The following GAD1 variants were observed in gnomAD, a reference collection of about 807,000 sequenced individuals.
GAD1 encodes 67 kDa glutamic acid decarboxylase.
A neutral mutation model predicts 75.2 loss-of-function variants in GAD1; 35 were observed. That is an observed-to-expected ratio of 0.47 (90% CI 0.36 to 0.62). GAD1 has a LOEUF of 0.62. Among genes scored for constraint, GAD1 ranks in the 20% least tolerant of loss-of-function variants. The pLI, the probability that GAD1 is intolerant of heterozygous loss-of-function variation, is 0.00. For missense variants in GAD1, 490 were observed against 758.5 expected, an observed-to-expected ratio of 0.65 and a Z score of 4.16; for synonymous variants, 257 against 271.9, an observed-to-expected ratio of 0.95 and a Z score of 0.54.
At chr2:170,828,698 C>G (rs1406446987) in intron 3 of GAD1, among the ~76,000 whole-genome samples, 3 of 142,640 alleles carry the variant, frequency 2.1e-5, no homozygotes, top group African/African-American at 7.8e-5. Flanking sequence ...CCCTCCTCCT[C>G]TGTTGTCCAC....
intron 3 of GAD1, chr2:170,829,039 G>A: frequency 3.3e-6 from 1 of 299,278 alleles, no homozygotes; most frequent in South Asian, 3.1e-5. Context: ...TCCCTCAGCT[G>A]TCCTCACCTC....
At chr2:170,831,415 T>C (rs1305417258) in intron 5 of GAD1, among the ~76,000 whole-genome samples, 2 of 151,828 alleles carry the variant, frequency 1.3e-5, no homozygotes, top group African/African-American at 2.4e-5. Context: ...TAAAAGTAGA[T>C]AAAAAAGATA....
At chr2:170,843,194 C>T (rs190833458) in intron 6 of GAD1, among the ~76,000 whole-genome samples, 2 of 152,298 alleles carry the variant, frequency 1.3e-5, no homozygotes, top group African/African-American at 2.4e-5. Context: ...TTTGGTCTCA[C>T]GATCTTGTTT....
intron 6 of GAD1, among the ~76,000 whole-genome samples, chr2:170,839,716 C>G (rs1289322747): frequency 6.6e-6 from 1 of 151,880 alleles, no homozygotes; most frequent in Non-Finnish European, 1.5e-5. Context: ...AAGATCCAAA[C>G]AAAAGTTCAC....
intron 11 of GAD1, among the ~76,000 whole-genome samples, chr2:170,848,168 G>T (rs926981821): frequency 6.6e-6 from 1 of 152,132 alleles, no homozygotes; most frequent in Non-Finnish European, 1.5e-5. Flanking sequence ...TCAGCTACCT[G>T]CCTTCAGTCC....
At chr2:170,846,860 T>C (rs565370905) in intron 10 of GAD1, among the ~76,000 whole-genome samples, 2 of 152,244 alleles carry the variant, frequency 1.3e-5, no homozygotes, top group African/African-American at 4.8e-5. Context: ...TTTTAAAAAA[T>C]AGCCAGGTGT....
chr2:170,818,476 G>T lies in GAD1; in HGVS notation c.-63-53G>T. 4 of 938,192 alleles carry T rather than the reference G, an allele frequency of 4.3e-6. No individual in the cohort carries two copies. The highest frequency in any genetic ancestry group is 7.1e-6 in the Non-Finnish European group (4 of 566,366). 58.1% of individuals were successfully genotyped at this position (938,192 alleles called of 1,614,324 possible). On this transcript the variant is annotated intron_variant, in intron 1 of 16. Transcript: ENST00000358196. The surrounding 1 kb of genome is among the most constrained non-coding windows in gnomAD (Gnocchi z 5.9). Reference sequence around the variant, plus strand: ...GTGCCCCCGGCTGCTCAGTCCCTCCGGTGTGCAGGACCCCGGAAGTCCTCC... The same window carrying T: ...GTGCCCCCGGCTGCTCAGTCCCTCCTGTGTGCAGGACCCCGGAAGTCCTCC...
intron 5 of GAD1, 33 bp downstream of exon 5, chr2:170,831,225 C>T: frequency 6.2e-7 from 1 of 1,611,886 alleles, no homozygotes; most frequent in Non-Finnish European, 8.5e-7. Context: ...CAGGTAGTGG[C>T]AACTTTGCCC....
rs1702388709 is a variant in GAD1 at position 170,836,846 on chromosome 2, G to C, written c.601G>C (p.Ala201Pro). 1 of 1,614,044 alleles carries C rather than the reference G, an allele frequency of 6.2e-7. No homozygotes were observed. The highest frequency in any genetic ancestry group is 8.5e-7 in the Non-Finnish European group (1 of 1,179,942). Residue 201 changes from alanine to proline, a missense_variant, in exon 6 of 17, where the codon GCT (alanine) becomes CCT (proline). This residue lies in a region of GAD1 where 324 missense variants were observed against 523.9 expected (regional missense o/e 0.62). Transcript: ENST00000358196. ...LSTGLDIIGL[A>P]GEWLTSTANT... ...CACTGGATTGGATATTATTGGCCTA[G>C]CTGGAGAATGGCTGACATCAACGGC...
At chr2:170,821,905 G>C (rs1022741922) in intron 2 of GAD1, 182 bp from the exon 3 acceptor site, 4 of 620,292 alleles carry the variant, frequency 6.4e-6, no homozygotes, top group Non-Finnish European at 1.2e-5. Context: ...GAGTATGATG[G>C]GGGCTTAGAG....
chr2:170,829,960 T>G, intron 4 of GAD1: 1 of 340,446 alleles, frequency 2.9e-6, no homozygotes, highest in Non-Finnish European at 5.6e-6. Context: ...TAATAACGTT[T>G]ATCCTGGAAG....
chr2:170,855,245 G>A (rs549674890), intron 14 of GAD1, among the ~76,000 whole-genome samples: 84 of 120,440 alleles, frequency 7.0e-4, no homozygotes, highest in African/African-American at 2.4e-3. Flanking sequence ...TTTCATTCCT[G>A]TTGCCCAGGC....
intron 5 of GAD1, among the ~76,000 whole-genome samples, chr2:170,834,611 A>G (rs1304357932): frequency 6.6e-6 from 1 of 152,190 alleles, no homozygotes; most frequent in South Asian, 2.1e-4. Context: ...AAAATTTTAA[A>G]CTTATACAAA....
At chr2:170,823,212 G>A (rs1198770929) in intron 3 of GAD1, among the ~76,000 whole-genome samples, 1 of 152,188 alleles carries the variant, frequency 6.6e-6, no homozygotes, top group Non-Finnish European at 1.5e-5. Context: ...GGGAGATAGC[G>A]GCAGAGCAGG....
chr2:170,832,664 G>GCGCACA (rs1383855055), intron 5 of GAD1, among the ~76,000 whole-genome samples: 14 of 78,912 alleles, frequency 1.8e-4, no homozygotes, highest in African/African-American at 5.3e-4. Context: ...GCGCGCGCGC[G>GCGCACA]CACACACACA....
At chr2:170,834,085 A>G (rs1032320742) in intron 5 of GAD1, among the ~76,000 whole-genome samples, 2 of 152,090 alleles carry the variant, frequency 1.3e-5, no homozygotes, top group East Asian at 1.9e-4. Flanking sequence ...TTAGCCTGCA[A>G]ACATTCATTT....
intron 3 of GAD1, among the ~76,000 whole-genome samples, chr2:170,823,226 GGGACA>G: frequency 6.6e-6 from 1 of 152,342 alleles, no homozygotes; most frequent in Middle Eastern, 3.4e-3. Context: ...GAGCAGGCAC[GGGACA>G]CGCCCGCCCG....
intron 6 of GAD1, chr2:170,842,545 C>T (rs761864624): frequency 2.4e-5 from 38 of 1,610,762 alleles, no homozygotes; most frequent in Non-Finnish European, 3.2e-5. Context: ...ACCAGGAATC[C>T]TTCTCTTCTT....
At chr2:170,832,691 C>CAT (rs1446878801) in intron 5 of GAD1, among the ~76,000 whole-genome samples, 1 of 147,228 alleles carries the variant, frequency 6.8e-6, no homozygotes, top group Non-Finnish European at 1.5e-5. Context: ...CACACACACA[C>CAT]ACACATACAC....
Sources: allele counts gnomAD v4.1 joint callset (sites outside exome capture counted in the v4.1 genomes callset), GRCh38; gene constraint gnomAD v4.1.1; regional missense constraint gnomAD v4.1.1; non-coding constraint Gnocchi (gnomAD v3.1); transcripts MANE v1.5; gene names NCBI Gene and HGNC (gene_info 2026-07-23, HGNC 2026-07-21).